The following FRMD4A variants were observed in gnomAD, a reference collection of about 807,000 sequenced individuals.
The protein encoded by FRMD4A is FERM domain-containing protein 4A.
Under a neutral mutation model 129.1 loss-of-function variants are expected in FRMD4A, and 29 were observed. The observed-to-expected ratio is 0.22, with a 90% CI of 0.17 to 0.31. FRMD4A has a LOEUF of 0.31. Among genes scored for constraint, FRMD4A ranks in the 10% least tolerant of loss-of-function variants. The pLI is 1.00. For synonymous variants in FRMD4A, 634 were observed against 571.6 expected, an observed-to-expected ratio of 1.11 and a Z score of -1.56; for missense variants, 1,272 against 1,375.8, an observed-to-expected ratio of 0.92 and a Z score of 1.19.
In FRMD4A at chr10:13,856,067, CATAG is replaced by C. The variant is rs1316317715; in HGVS notation, c.111+2776_111+2779del. Among the ~76,000 whole-genome samples the C allele has an allele frequency of 4.8e-5, 7 of 147,196 alleles. No individual in the cohort carries two copies. In the East Asian group the frequency reaches 7.8e-4, roughly 16 times the overall value. On this transcript the variant is annotated intron_variant, in intron 3 of 24. Transcript: ENST00000357447. ...CTATCTATCTATCTATCTATGTATA[CATAG>C]ATACACGCACTATCAATGCCTAGAT...
At chr10:13,796,619 G>T in intron 4 of FRMD4A, 31 bp from the exon 5 acceptor site, 1 of 1,246,518 alleles carries the variant, frequency 8.0e-7, no homozygotes, top group Non-Finnish European at 1.2e-6. Flanking sequence ...TTGGTTAGGG[G>T]TTTGCATTTT....
chr10:13,954,037 G>T (rs142089457), intron 2 of FRMD4A, among the ~76,000 whole-genome samples: 1 of 152,260 alleles, frequency 6.6e-6, no homozygotes, highest in Non-Finnish European at 1.5e-5. Context: ...CAAATCACAA[G>T]CAAAAACCAG....
chr10:13,883,624 C>T (rs1042956277), intron 2 of FRMD4A, among the ~76,000 whole-genome samples: 51 of 152,168 alleles, frequency 3.4e-4, no homozygotes, highest in Admixed American at 3.3e-3. Context: ...AAATCTCTAT[C>T]GACTAATTTA....
chr10:14,242,410 A>C (rs540283404), intron 2 of FRMD4A, among the ~76,000 whole-genome samples: 1 of 152,280 alleles, frequency 6.6e-6, no homozygotes, highest in Non-Finnish European at 1.5e-5. Flanking sequence ...ATTATATTAG[A>C]TTTTGCAGAT....
chr10:13,825,566 G>T (rs771150464), intron 3 of FRMD4A, among the ~76,000 whole-genome samples: 1 of 152,092 alleles, frequency 6.6e-6, no homozygotes, highest in Non-Finnish European at 1.5e-5. Context: ...AACCATCCTT[G>T]CCCCTCCCCA....
intron 2 of FRMD4A, among the ~76,000 whole-genome samples, chr10:14,250,435 G>A (rs189213973): frequency 1.1e-4 from 16 of 152,298 alleles, no homozygotes; most frequent in African/African-American, 3.6e-4. Context: ...TTTTACAAAG[G>A]TGTTGCCCTA....
At chr10:13,693,631 A>C (rs2085930778) in intron 15 of FRMD4A, 3 of 664,446 alleles carry the variant, frequency 4.5e-6, no homozygotes, top group Middle Eastern at 2.9e-4. Flanking sequence ...GGGGTACCTG[A>C]AGACACTTAA....
At position 13,927,171 on chromosome 10, in the gene FRMD4A, C is replaced by T. The variant is rs539414455; in HGVS notation, c.46-68259G>A. On this transcript the variant is annotated intron_variant, in intron 2 of 24. Coordinates refer to ENST00000357447, the MANE Select transcript of FRMD4A (RefSeq NM_018027.5). ...ACTGGGGAGGTGGAGGCAGGAGAATCGCTTGAACCCGGGAGGCAGAGGTTG... is the reference window on the plus strand; with the variant it reads ...ACTGGGGAGGTGGAGGCAGGAGAATTGCTTGAACCCGGGAGGCAGAGGTTG... Among the ~76,000 whole-genome samples, 10 of 152,108 alleles carry T rather than the reference C, an allele frequency of 6.6e-5. No individual in the cohort carries two copies. In the East Asian group the frequency reaches 9.7e-4, roughly 15 times the overall value.
chr10:14,152,797 A>G (rs913950165), intron 2 of FRMD4A, among the ~76,000 whole-genome samples: 1 of 152,054 alleles, frequency 6.6e-6, no homozygotes, highest in Non-Finnish European at 1.5e-5. Flanking sequence ...CTATGATTGC[A>G]CCACTGCACT....
At chr10:14,056,914 G>C (rs1242750151) in intron 2 of FRMD4A, among the ~76,000 whole-genome samples, 1 of 152,138 alleles carries the variant, frequency 6.6e-6, no homozygotes, top group African/African-American at 2.4e-5. Context: ...AAAAATTCTT[G>C]TTCCTGGCAT....
chr10:13,852,214 G>A (rs76374735), intron 3 of FRMD4A, among the ~76,000 whole-genome samples: 4,633 of 151,960 alleles, frequency 0.03, 92 homozygotes, highest in South Asian at 0.062. Context: ...GAAATACAAC[G>A]TGAGCCACAA....
chr10:13,832,368 G>C (rs2093803601), intron 3 of FRMD4A, among the ~76,000 whole-genome samples: 1 of 152,162 alleles, frequency 6.6e-6, no homozygotes, highest in South Asian at 2.1e-4. Context: ...TCCAGAGTGA[G>C]AGGTTTCAGA....
At chr10:14,268,103 A>T (rs1332795137) in intron 2 of FRMD4A, among the ~76,000 whole-genome samples, 3 of 152,282 alleles carry the variant, frequency 2.0e-5, no homozygotes, top group Non-Finnish European at 2.9e-5. Context: ...GAGTGTCATT[A>T]TTGCCATTAT....
intron 2 of FRMD4A, among the ~76,000 whole-genome samples, chr10:14,110,457 T>C (rs1391040707): frequency 6.6e-6 from 1 of 152,144 alleles, no homozygotes; most frequent in Non-Finnish European, 1.5e-5. Flanking sequence ...TTTTATAAAT[T>C]GTAAGTGATC....
At chr10:13,862,600 G>A (rs554205613) in intron 2 of FRMD4A, among the ~76,000 whole-genome samples, 3 of 152,268 alleles carry the variant, frequency 2.0e-5, no homozygotes, top group East Asian at 3.9e-4. Context: ...GTATTTTAAT[G>A]CCTCCCTGTA....
chr10:13,733,161 G>A (rs1304903150), intron 12 of FRMD4A, among the ~76,000 whole-genome samples: 1 of 152,238 alleles, frequency 6.6e-6, no homozygotes, highest in East Asian at 1.9e-4. Flanking sequence ...TGAGATCTGG[G>A]ATCAGGGTGT....
At chr10:13,852,823 G>C (rs2094158322) in intron 3 of FRMD4A, among the ~76,000 whole-genome samples, 1 of 152,064 alleles carries the variant, frequency 6.6e-6, no homozygotes. Context: ...GTGGCTGGTG[G>C]CTACTGTACC....
intron 2 of FRMD4A, among the ~76,000 whole-genome samples, chr10:14,145,710 T>C (rs559934405): frequency 6.6e-6 from 1 of 152,290 alleles, no homozygotes; most frequent in Non-Finnish European, 1.5e-5. Flanking sequence ...ACACAACTGA[T>C]GGCTGGCAGA....
chr10:14,265,494 A>T, intron 2 of FRMD4A, among the ~76,000 whole-genome samples: 1 of 152,214 alleles, frequency 6.6e-6, no homozygotes, highest in East Asian at 1.9e-4. Context: ...AAATTTTAAA[A>T]AGTAAATCAT....
Sources: gnomAD v4.1 joint callset for allele counts (sites outside exome capture counted in the v4.1 genomes callset) on GRCh38, gnomAD v4.1.1 for gene constraint, MANE v1.5 for transcripts, NCBI Gene and HGNC (gene_info 2026-07-23, HGNC 2026-07-21) for gene names.